Variants in ADGRB3 observed in about 807,000 individuals in gnomAD.
ADGRB3 encodes the protein brain-specific angiogenesis inhibitor 3.
ADGRB3 carries 37 observed loss-of-function variants against 193.4 expected under a neutral mutation model. The ratio of observed to expected loss-of-function variants is 0.19; its 90% CI spans 0.15 to 0.25. The LOEUF is 0.25. Ranked by LOEUF, ADGRB3 falls within the 10% of genes least tolerant of loss-of-function variation. The pLI, the probability that ADGRB3 is intolerant of heterozygous loss-of-function variation, is 1.00. For missense variants in ADGRB3, 1,637 were observed against 1,852.9 expected (o/e 0.88, Z 2.14); for synonymous variants, 690 against 644.2 (o/e 1.07, Z -1.08).
intron 3 of ADGRB3, among the ~76,000 whole-genome samples, chr6:68,768,364 G>C (rs7771494): frequency 0.79 from 119,491 of 152,066 alleles, 47,155 homozygotes; most frequent in Middle Eastern, 0.91. Context: ...GGGAACAGAA[G>C]AGAGGCCTCA....
chr6:68,969,195 C>T (rs1768483270), intron 8 of ADGRB3, among the ~76,000 whole-genome samples: 1 of 151,980 alleles, frequency 6.6e-6, no homozygotes, highest in South Asian at 2.1e-4. Flanking sequence ...CAAGTATTTT[C>T]AATCTGTTGT....
Position 69,388,832 on chromosome 6 carries a change from G to C in ADGRB3, c.4510G>C (p.Glu1504Gln). The change falls in exon 32 of 32, where the codon GAG (glutamate) becomes CAG (glutamine). Residue 1504 changes from glutamate (E) to glutamine (Q), a missense_variant. Coordinates refer to ENST00000370598, the MANE Select transcript of ADGRB3 (RefSeq NM_001704.3). The stretch of plus-strand genomic sequence containing the variant: ...TTTGGAACTGAGGCCAGCAGAGTGG[G>C]AGAAGTGTCTGAATTTGCCTCTGGA... ...DALELRPAEWEKCLNLPLDVQ... is the reference protein window; with the variant it reads ...DALELRPAEWQKCLNLPLDVQ... The C allele has an allele frequency of 6.2e-7, 1 of 1,613,524 alleles. No individual in the cohort carries two copies. Among genetic ancestry groups the C allele is most frequent in the Non-Finnish European group, 8.5e-7 (1 of 1,179,636 alleles).
chr6:69,149,831 G>A (rs762351401), intron 17 of ADGRB3, among the ~76,000 whole-genome samples: 5 of 151,758 alleles, frequency 3.3e-5, no homozygotes, highest in South Asian at 2.1e-4. Context: ...GCGTAGCATC[G>A]GAGAGAATTC....
At chr6:68,994,404 A>G (rs573992175) in intron 11 of ADGRB3, among the ~76,000 whole-genome samples, 1 of 152,350 alleles carries the variant, frequency 6.6e-6, no homozygotes, top group Admixed American at 6.5e-5. Context: ...GGGGAAAAAC[A>G]TATTTAATTT....
At chr6:69,343,379 C>T (rs1769021908) in intron 26 of ADGRB3, among the ~76,000 whole-genome samples, 1 of 143,562 alleles carries the variant, frequency 7.0e-6, no homozygotes, top group South Asian at 2.2e-4. Context: ...ATTCCCCTTC[C>T]TGTGTCCATG....
At chr6:69,235,462 C>A (rs1766241912) in intron 19 of ADGRB3, among the ~76,000 whole-genome samples, 1 of 152,040 alleles carries the variant, frequency 6.6e-6, no homozygotes, top group African/African-American at 2.4e-5. Context: ...TTCTATTTAT[C>A]CCAATTGCTA....
intron 17 of ADGRB3, among the ~76,000 whole-genome samples, chr6:69,122,467 A>G (rs1020224378): frequency 2.7e-4 from 10 of 36,598 alleles, no homozygotes; most frequent in South Asian, 1.9e-3. Context: ...AGGGAGAGGG[A>G]GAGGGGGAGG....
chr6:69,281,715 T>C (rs1030373947), intron 20 of ADGRB3, among the ~76,000 whole-genome samples: 5 of 152,178 alleles, frequency 3.3e-5, no homozygotes, highest in African/African-American at 9.7e-5. Flanking sequence ...AGTGAGGCCA[T>C]GGAGAAGGAT....
chr6:69,285,807 A>G (rs571400783), intron 20 of ADGRB3, among the ~76,000 whole-genome samples: 6 of 151,988 alleles, frequency 3.9e-5, no homozygotes, highest in South Asian at 4.2e-4. Context: ...CCTTAGCTCA[A>G]ACTCTTCCCA....
intron 19 of ADGRB3, among the ~76,000 whole-genome samples, chr6:69,238,585 T>C (rs1420155627): frequency 1.3e-5 from 2 of 152,058 alleles, no homozygotes; most frequent in African/African-American, 4.8e-5. Flanking sequence ...AGTAGCAGCC[T>C]AATTACATTC....
chr6:69,122,349 T>A (rs1395159388), intron 17 of ADGRB3, among the ~76,000 whole-genome samples: 2 of 150,818 alleles, frequency 1.3e-5, no homozygotes, highest in Non-Finnish European at 1.5e-5. Flanking sequence ...CTCGGCAGGC[T>A]GAGGCAGGAG....
intron 3 of ADGRB3, among the ~76,000 whole-genome samples, chr6:68,760,266 C>G (rs552821097): frequency 6.6e-6 from 1 of 152,314 alleles, no homozygotes; most frequent in South Asian, 2.1e-4. Flanking sequence ...TACACATACA[C>G]ACATACACAC....
At chr6:69,204,325 A>G (rs1765492201) in intron 17 of ADGRB3, among the ~76,000 whole-genome samples, 1 of 152,160 alleles carries the variant, frequency 6.6e-6, no homozygotes, top group Admixed American at 6.6e-5. Flanking sequence ...AAAAACGATT[A>G]TGTTGCCAAA....
At chr6:69,118,097 G>A (rs1025807916) in intron 17 of ADGRB3, among the ~76,000 whole-genome samples, 1 of 152,110 alleles carries the variant, frequency 6.6e-6, no homozygotes, top group African/African-American at 2.4e-5. Context: ...CTGGAGTCTA[G>A]GTATGGCCCT....
intron 3 of ADGRB3, among the ~76,000 whole-genome samples, chr6:68,835,720 G>A (rs146328753): frequency 8.0e-4 from 121 of 151,862 alleles, no homozygotes; most frequent in African/African-American, 2.5e-3. Context: ...TTATAGTTTT[G>A]TCTGCTTTAC....
At chr6:69,205,861 T>C (rs929432530) in intron 17 of ADGRB3, among the ~76,000 whole-genome samples, 2 of 151,292 alleles carry the variant, frequency 1.3e-5, no homozygotes, top group Non-Finnish European at 2.9e-5. Context: ...TCATAGCTCA[T>C]TGCTGCCTCA....
intron 17 of ADGRB3, among the ~76,000 whole-genome samples, chr6:69,111,015 T>C (rs1471947122): frequency 2.6e-5 from 4 of 152,220 alleles, no homozygotes; most frequent in Non-Finnish European, 5.9e-5. Context: ...ATTTCGTTTT[T>C]AATGAAATAA....
intron 17 of ADGRB3, among the ~76,000 whole-genome samples, chr6:69,122,029 G>GGTGCTCCTC: frequency 2.0e-5 from 3 of 151,946 alleles, no homozygotes; most frequent in Admixed American, 6.5e-5. Flanking sequence ...GCCAGGCAGA[G>GGTGCTCCTC]ACACTCCCCA....
At chr6:69,198,749 T>C (rs537703056) in intron 17 of ADGRB3, among the ~76,000 whole-genome samples, 10 of 152,222 alleles carry the variant, frequency 6.6e-5, no homozygotes, top group African/African-American at 2.4e-4. Flanking sequence ...AGATTTTATT[T>C]TGACTGTACT....
Sources: gnomAD v4.1 joint callset for allele counts (sites outside exome capture counted in the v4.1 genomes callset) on GRCh38, gnomAD v4.1.1 for gene constraint, MANE v1.5 for transcripts, NCBI Gene and HGNC (gene_info 2026-07-23, HGNC 2026-07-21) for gene names.